The following MIEF1 variants were observed in gnomAD, a reference collection of about 807,000 sequenced individuals.
MIEF1 encodes mitochondrial dynamics protein MIEF1.
In MIEF1, 14 loss-of-function variants were observed where a neutral mutation model predicts 35.1. The ratio of observed to expected loss-of-function variants is 0.40; its 90% CI spans 0.26 to 0.62. The LOEUF (loss-of-function observed/expected upper bound fraction) is 0.62. Ranked by LOEUF, MIEF1 falls within the 20% of genes least tolerant of loss-of-function variation. The pLI is 0.43. For missense variants in MIEF1, 542 were observed against 615.4 expected (o/e 0.88, Z 1.26); for synonymous variants, 245 against 254.3 (o/e 0.96, Z 0.35).
chr22:39,511,386 TG>T lies in MIEF1; in HGVS notation c.97del (p.Val33TrpfsTer31). The T allele has an allele frequency of 6.2e-7, 1 of 1,609,456 alleles. No homozygotes were observed. The highest frequency in any genetic ancestry group is 2.2e-5 in the East Asian group (1 of 44,738). On this transcript the variant is annotated frameshift_variant, in exon 3 of 6. Coordinates refer to ENST00000325301, the MANE Select transcript of MIEF1 (RefSeq NM_019008.6). LOFTEE classifies it high-confidence loss of function. ...DFVLSNARLV[L>X]GVGGAAMLGI... ...GTGCTCTCCAATGCCCGGCTGGTGCTGGGGGTGGGTGGAGCGGCCATGCTGG... is the reference window on the plus strand; with the variant it reads ...GTGCTCTCCAATGCCCGGCTGGTGCTGGGGTGGGTGGAGCGGCCATGCTGG...
chr22:39,501,043 T>G (rs937259049), upstream of MIEF1, among the ~76,000 whole-genome samples: 10 of 152,042 alleles, frequency 6.6e-5, no homozygotes, highest in African/African-American at 2.4e-4. Flanking sequence ...CCTGGTTCCA[T>G]TCCGTTATTC....
chr22:39,512,079 C>G, intron 4 of MIEF1, 53 bp downstream of exon 4: 1 of 1,581,070 alleles, frequency 6.3e-7, no homozygotes. Flanking sequence ...CAGTACCACT[C>G]CTGCACTCAG....
Position 39,513,864 on chromosome 22 carries a change from C to T in MIEF1, c.933C>T (p.Asp311=). The T allele has an allele frequency of 6.2e-7, 1 of 1,614,136 alleles. No individual in the cohort carries two copies. Among genetic ancestry groups the T allele is most frequent in the Non-Finnish European group, 8.5e-7 (1 of 1,180,030 alleles). ...QYERDKHLFI[D]FLPSVTLGDT... ...AGCGTGACAAACATCTCTTCATTGACTTCCTGCCATCAGTGACCCTCGGTG... is the reference window on the plus strand; with the variant it reads ...AGCGTGACAAACATCTCTTCATTGATTTCCTGCCATCAGTGACCCTCGGTG... The change falls in exon 6 of 6, where the codon GAC becomes GAT. Residue 311 remains aspartate (D), a synonymous_variant. Coordinates refer to ENST00000325301, the MANE Select transcript of MIEF1 (RefSeq NM_019008.6).
intron 2 of MIEF1, among the ~76,000 whole-genome samples, 173 bp from the exon 3 acceptor site, chr22:39,511,115 A>G (rs1374249760): frequency 6.6e-6 from 1 of 152,242 alleles, no homozygotes. Flanking sequence ...ATCCTGATCT[A>G]TCATGGGACA....
At chr22:39,508,939 A>C (rs946639721) in intron 2 of MIEF1, among the ~76,000 whole-genome samples, 5 of 152,064 alleles carry the variant, frequency 3.3e-5, no homozygotes, top group African/African-American at 1.2e-4. Context: ...AGAAATATCC[A>C]CTTGTAACAC....
upstream of MIEF1, chr22:39,502,173 C>T (rs977668308): frequency 1.3e-5 from 2 of 151,806 alleles, no homozygotes; most frequent in East Asian, 3.9e-4. Flanking sequence ...CCTCTGCAGG[C>T]CAGTCCCTTG....
chr22:39,511,190 C>T, intron 2 of MIEF1, 98 bp from the exon 3 acceptor site: 1 of 1,506,530 alleles, frequency 6.6e-7, no homozygotes, highest in Non-Finnish European at 9.0e-7. Flanking sequence ...GTTGCTGGAA[C>T]TCACAGAGTA....
In MIEF1 at chr22:39,513,819, C is replaced by T. The variant is rs2145753276; in HGVS notation, c.888C>T (p.Leu296=). ...GCCCGGCCCCACCCCCAGAAGCCCTCACACTGGAGGTGCAGTATGAGCGTG... is the reference window on the plus strand; with the variant it reads ...GCCCGGCCCCACCCCCAGAAGCCCTTACACTGGAGGTGCAGTATGAGCGTG... The part of the protein sequence containing the change: ...VIRPAPPPEA[L]TLEVQYERDK... The change falls in exon 6 of 6, where the codon CTC becomes CTT. Residue 296 remains leucine (L), a synonymous_variant. Transcript: ENST00000325301. The T allele has an allele frequency of 6.2e-7, 1 of 1,614,138 alleles. No homozygotes were observed. The highest frequency in any genetic ancestry group is 8.5e-7 in the Non-Finnish European group (1 of 1,180,042).
Position 39,514,081 on chromosome 22 carries a change from C to CAGCT in MIEF1, c.1152_1155dup (p.Thr386AlafsTer14). 1 of 1,614,190 alleles carries CAGCT rather than the reference C, an allele frequency of 6.2e-7. No homozygotes were observed. Among genetic ancestry groups the CAGCT allele is most frequent in the Non-Finnish European group, 8.5e-7 (1 of 1,180,044 alleles). Reference sequence around the variant, plus strand: ...GGCTCTGGGCCACCTCACTGCCAGCCAGCTAACCAATGTCATCCTCCACTT... The same window carrying CAGCT: ...GGCTCTGGGCCACCTCACTGCCAGCCAGCTAGCTAACCAATGTCATCCTCCACTT... On this transcript the variant is annotated frameshift_variant, in exon 6 of 6. Transcript: ENST00000325301. LOFTEE classifies it high-confidence loss of function.
chr22:39,505,470 G>T (rs1268150400), intron 2 of MIEF1, among the ~76,000 whole-genome samples: 1 of 152,172 alleles, frequency 6.6e-6, no homozygotes, highest in African/African-American at 2.4e-5. Flanking sequence ...GGGATTATAG[G>T]TTCAAACAGC....
chr22:39,517,549 C>T lies in MIEF1; in HGVS notation c.*3226C>T, dbSNP rs746613516. On this transcript the variant is annotated 3_prime_UTR_variant, in exon 6 of 6. Transcript: ENST00000325301. The stretch of plus-strand genomic sequence containing the variant: ...GGATGGAAGGACCCAGGAGAGGCCC[C>T]GAGGTGGGAGGGTTCTGTAAATACA... The T allele has an allele frequency of 8.5e-6, 4 of 471,092 alleles. No individual in the cohort carries two copies. Among genetic ancestry groups the T allele is most frequent in the Non-Finnish European group, 1.3e-5 (3 of 227,050 alleles). 29.2% of individuals were successfully genotyped at this position (471,092 alleles called of 1,614,324 possible). A position where few individuals can be genotyped will look rare whatever the true frequency, so the allele number is the denominator to read the frequency against.
In MIEF1 at chr22:39,511,832, CCT is replaced by C. The variant is rs771432148; in HGVS notation, c.145-12_145-11del. On this transcript the variant is annotated splice_polypyrimidine_tract_variant and intron_variant, in intron 3 of 5. Transcript: ENST00000325301. ...AAGAGGGCAGGTTTATGTCCTGTGT[CCT>C]CTCTGCTATTTCAGATGTACGATCG... 71 of 1,604,412 alleles carry C rather than the reference CCT, an allele frequency of 4.4e-5. 2 individuals carry two copies. The South Asian group carries it at 7.3e-4, about 17-fold the overall frequency.
chr22:39,500,743 G>A (rs1569011674), upstream of MIEF1, among the ~76,000 whole-genome samples: 1 of 151,560 alleles, frequency 6.6e-6, no homozygotes, highest in East Asian at 1.9e-4. Flanking sequence ...CGCCCAGGCT[G>A]GAGTACAGTA....
In MIEF1 at chr22:39,512,047, T is replaced by A. The variant is rs751244215; in HGVS notation, c.322+21T>A. ...CACAGGTGAGAAGGGCTGCTGCCCCTCCTGGGACCTCTCTGGACTTTCAGT... is the reference window on the plus strand; with the variant it reads ...CACAGGTGAGAAGGGCTGCTGCCCCACCTGGGACCTCTCTGGACTTTCAGT... On this transcript the variant is annotated intron_variant, in intron 4 of 5. Transcript: ENST00000325301. 9.4e-6 allele frequency: 15 copies of A among 1,603,796 alleles called. No homozygotes were observed. In the Admixed American group the frequency reaches 1.9e-4, roughly 20 times the overall value.
In MIEF1 at chr22:39,512,323, A is replaced by G. The variant is rs1484120520; in HGVS notation, c.414A>G (p.Lys138=). The part of the protein sequence containing the change: ...KSRLRMSLQE[K]LLTYYRNRAA... The stretch of plus-strand genomic sequence containing the variant: ...GACTCCGCATGTCCCTGCAGGAGAA[A>G]CTTCTTACTTACTACCGGAACCGGG... The change falls in exon 5 of 6, where the codon AAA becomes AAG. Residue 138 remains lysine, a synonymous_variant. Transcript: ENST00000325301. The G allele has an allele frequency of 6.2e-7, 1 of 1,614,118 alleles. No individual in the cohort carries two copies. Among genetic ancestry groups the G allele is most frequent in the Non-Finnish European group, 8.5e-7 (1 of 1,180,054 alleles).
At chr22:39,502,717 G>T (rs947356660) in intron 1 of MIEF1, among the ~76,000 whole-genome samples, 13 of 152,380 alleles carry the variant, frequency 8.5e-5, no homozygotes, top group Admixed American at 7.8e-4. Flanking sequence ...GTGAAGTGCA[G>T]ACTGGCTGGG....
chr22:39,500,586 AC>A (rs1929655866), upstream of MIEF1: 1 of 151,824 alleles, frequency 6.6e-6, no homozygotes, highest in Non-Finnish European at 1.5e-5. Flanking sequence ...AGTGGAAAGA[AC>A]ACACATTTCA....
chr22:39,514,589 C>A lies in MIEF1; in HGVS notation c.*266C>A. 2.0e-6 allele frequency: 1 copy of A among 510,646 alleles called. No individual in the cohort carries two copies. The highest frequency in any genetic ancestry group is 3.5e-5 in the East Asian group (1 of 28,546). The allele number at this position is 510,646 out of a possible 1,614,324, so 31.6% of individuals were successfully genotyped here. ...TTTCTGGAATGAATTGAGAAGGTGGCGTGCTGGCCTGAGCTGATGGACCAC... is the reference window on the plus strand; with the variant it reads ...TTTCTGGAATGAATTGAGAAGGTGGAGTGCTGGCCTGAGCTGATGGACCAC... On this transcript the variant is annotated 3_prime_UTR_variant, in exon 6 of 6. Transcript: ENST00000325301.
rs551358682 is a variant in MIEF1 at position 39,507,435 on chromosome 22, C to T, written c.-8+2901C>T. ...TAATTTTTTGTGTTTTTAGTAGAGA[C>T]AGAGGTTCACCGTGTTAGCCAGGAT... On this transcript the variant is annotated intron_variant, in intron 2 of 5. Transcript: ENST00000325301. Among the ~76,000 whole-genome samples the T allele has an allele frequency of 3.5e-3, 531 of 151,876 alleles. 3 individuals carry two copies. Among genetic ancestry groups the T allele is most frequent in the Non-Finnish European group, 6.1e-3 (415 of 67,930 alleles).
Sources: allele counts gnomAD v4.1 joint callset (sites outside exome capture counted in the v4.1 genomes callset), GRCh38; gene constraint gnomAD v4.1.1; transcripts MANE v1.5; gene names NCBI Gene and HGNC (gene_info 2026-07-23, HGNC 2026-07-21).